Variants in RNF150 observed in about 807,000 individuals in gnomAD.
RNF150 encodes the protein ring finger protein 150.
A neutral mutation model predicts 39.3 loss-of-function variants in RNF150; 24 were observed. The observed-to-expected ratio is 0.61, with a 90% CI of 0.44 to 0.86. The LOEUF is 0.86. Among genes scored for constraint, RNF150 ranks in the 40% least tolerant of loss-of-function variants. The pLI is 0.00. For missense variants in RNF150, 502 were observed against 587.8 expected (o/e 0.85, Z 1.51); for synonymous variants, 255 against 227.3 (o/e 1.12, Z -1.10).
At chr4:140,888,156 T>C (rs926931066) in intron 6 of RNF150, among the ~76,000 whole-genome samples, 5 of 152,140 alleles carry the variant, frequency 3.3e-5, no homozygotes, top group Admixed American at 6.5e-5. Flanking sequence ...AATTCACCTT[T>C]AGTTGGTTTG....
At chr4:141,021,490 G>A (rs1226926175) in intron 1 of RNF150, among the ~76,000 whole-genome samples, 1 of 152,116 alleles carries the variant, frequency 6.6e-6, no homozygotes, top group African/African-American at 2.4e-5. Flanking sequence ...GGGGTCAGAA[G>A]GTAACAGAGG....
At chr4:141,080,250 A>G (rs1390416598) in intron 1 of RNF150, among the ~76,000 whole-genome samples, 1 of 152,158 alleles carries the variant, frequency 6.6e-6, no homozygotes, top group African/African-American at 2.4e-5. Context: ...TTCTTTTTGT[A>G]ATCTCTGAAA....
intron 1 of RNF150, among the ~76,000 whole-genome samples, chr4:141,079,326 C>T (rs1292534722): frequency 6.6e-6 from 1 of 152,122 alleles, no homozygotes; most frequent in Non-Finnish European, 1.5e-5. Flanking sequence ...AATAGTAGGC[C>T]ATTAAAACTC....
At chr4:141,159,922 T>TC (rs1295842145) in intron 1 of RNF150, among the ~76,000 whole-genome samples, 1 of 152,150 alleles carries the variant, frequency 6.6e-6, no homozygotes, top group African/African-American at 2.4e-5. Context: ...TGTTTTTTTT[T>TC]CAAACTCCCT....
intron 1 of RNF150, among the ~76,000 whole-genome samples, chr4:140,998,083 C>T (rs1346595001): frequency 6.6e-6 from 1 of 152,136 alleles, no homozygotes; most frequent in Non-Finnish European, 1.5e-5. Context: ...AAATAACGTT[C>T]TCTGAATATC....
At chr4:141,095,301 T>A (rs1332801396) in intron 1 of RNF150, among the ~76,000 whole-genome samples, 1 of 152,000 alleles carries the variant, frequency 6.6e-6, no homozygotes, top group Non-Finnish European at 1.5e-5. Flanking sequence ...GTCCACTGAG[T>A]TCTCCCCAGA....
chr4:140,994,109 C>T (rs948471512), intron 1 of RNF150, among the ~76,000 whole-genome samples: 4 of 152,182 alleles, frequency 2.6e-5, no homozygotes, highest in Non-Finnish European at 4.4e-5. Flanking sequence ...CAGAAACATG[C>T]ATGCTTCCAG....
intron 1 of RNF150, among the ~76,000 whole-genome samples, chr4:140,974,504 T>TG (rs1324971824): frequency 6.6e-6 from 1 of 152,220 alleles, no homozygotes; most frequent in Admixed American, 6.5e-5. Flanking sequence ...TTCATATCTC[T>TG]GGGATGAATG....
intron 6 of RNF150, among the ~76,000 whole-genome samples, chr4:140,903,408 T>A (rs184552477): frequency 1.3e-5 from 2 of 152,342 alleles, no homozygotes; most frequent in South Asian, 2.1e-4. Flanking sequence ...CTGCTTTTTT[T>A]AATCTCTGAA....
chr4:140,958,579 G>A (rs755127515), intron 2 of RNF150, among the ~76,000 whole-genome samples: 9 of 152,112 alleles, frequency 5.9e-5, no homozygotes, highest in Non-Finnish European at 1.3e-4. Flanking sequence ...TCTAAAAACT[G>A]TAATTCTAGG....
At chr4:141,049,309 A>ATG (rs565060774) in intron 1 of RNF150, among the ~76,000 whole-genome samples, 2 of 151,828 alleles carry the variant, frequency 1.3e-5, no homozygotes, top group Non-Finnish European at 2.9e-5. Flanking sequence ...GAATCCAGAG[A>ATG]TAAAAAAAAG....
intron 4 of RNF150, among the ~76,000 whole-genome samples, chr4:140,926,646 A>G (rs1731409440): frequency 6.6e-6 from 1 of 152,234 alleles, no homozygotes; most frequent in South Asian, 2.1e-4. Flanking sequence ...TAGCCGTCAT[A>G]TCTGCACAGT....
At chr4:141,162,441 C>A (rs937483288) in intron 1 of RNF150, among the ~76,000 whole-genome samples, 1 of 152,012 alleles carries the variant, frequency 6.6e-6, no homozygotes, top group Non-Finnish European at 1.5e-5. Flanking sequence ...AAGAGGCTAG[C>A]CTTATCTCAG....
chr4:141,160,238 G>A (rs568419915), intron 1 of RNF150, among the ~76,000 whole-genome samples: 70 of 152,140 alleles, frequency 4.6e-4, no homozygotes, highest in Admixed American at 1.1e-3. Context: ...GAAAATGGAA[G>A]TTATCACAGA....
At chr4:140,968,329 C>G (rs906862071) in intron 1 of RNF150, among the ~76,000 whole-genome samples, 3 of 151,914 alleles carry the variant, frequency 2.0e-5, no homozygotes, top group Admixed American at 6.6e-5. Context: ...CTCTCTCCCC[C>G]ACACAAACAC....
intron 1 of RNF150, among the ~76,000 whole-genome samples, chr4:140,973,638 A>G (rs1242307002): frequency 2.0e-5 from 3 of 152,106 alleles, no homozygotes; most frequent in Non-Finnish European, 4.4e-5. Flanking sequence ...GCACTTTGGG[A>G]GGCTGAGGTG....
chr4:141,164,631 A>G (rs1727569827), intron 1 of RNF150, among the ~76,000 whole-genome samples: 1 of 152,238 alleles, frequency 6.6e-6, no homozygotes. Context: ...AAAAGCCAGA[A>G]GAGAGTGGGG....
intron 1 of RNF150, among the ~76,000 whole-genome samples, chr4:141,012,288 C>T (rs1735101088): frequency 6.6e-6 from 1 of 152,146 alleles, no homozygotes; most frequent in Non-Finnish European, 1.5e-5. Flanking sequence ...CTGGTCCTGA[C>T]CGGGCTGGGT....
At chr4:141,154,940 C>T (rs1203531892) in intron 1 of RNF150, among the ~76,000 whole-genome samples, 1 of 152,088 alleles carries the variant, frequency 6.6e-6, no homozygotes, top group Non-Finnish European at 1.5e-5. Flanking sequence ...TAGAAATATG[C>T]CTATTCACTA....
Sources: allele counts gnomAD v4.1 joint callset (sites outside exome capture counted in the v4.1 genomes callset), GRCh38; gene constraint gnomAD v4.1.1; transcripts MANE v1.5; gene names NCBI Gene and HGNC (gene_info 2026-07-23, HGNC 2026-07-21).